Variants in CCSER1 observed in about 807,000 individuals in gnomAD.
The protein encoded by CCSER1 is serine-rich coiled-coil domain-containing protein 1.
A neutral mutation model predicts 82.0 loss-of-function variants in CCSER1; 41 were observed. The ratio of observed to expected loss-of-function variants is 0.50; its 90% CI spans 0.39 to 0.65. CCSER1 has a LOEUF of 0.65. Among genes scored for constraint, CCSER1 ranks in the 30% least tolerant of loss-of-function variants. The pLI is 0.00. For synonymous variants in CCSER1, 414 were observed against 383.9 expected (o/e 1.08, Z -0.92); for missense variants, 1,119 against 1,064.2 (o/e 1.05, Z -0.72).
intron 10 of CCSER1, among the ~76,000 whole-genome samples, chr4:91,248,726 G>T (rs1740011303): frequency 6.6e-6 from 1 of 151,774 alleles, no homozygotes; most frequent in Non-Finnish European, 1.5e-5. Flanking sequence ...AAGGATATTA[G>T]GTAAAAACTA....
chr4:91,536,767 C>T (rs1002753691), intron 10 of CCSER1, among the ~76,000 whole-genome samples: 1 of 152,102 alleles, frequency 6.6e-6, no homozygotes, highest in African/African-American at 2.4e-5. Flanking sequence ...AAACAATCCC[C>T]ACTGTTATTA....
chr4:90,731,680 C>T (rs1301514007), intron 7 of CCSER1, among the ~76,000 whole-genome samples: 1 of 151,960 alleles, frequency 6.6e-6, no homozygotes, highest in Non-Finnish European at 1.5e-5. Flanking sequence ...CATTGTGGTT[C>T]TCTAATGGGA....
chr4:91,299,124 A>G, intron 10 of CCSER1, among the ~76,000 whole-genome samples: 1 of 152,012 alleles, frequency 6.6e-6, no homozygotes, highest in East Asian at 1.9e-4. Flanking sequence ...TAAATAAAAG[A>G]ACAGTGGTTA....
intron 10 of CCSER1, among the ~76,000 whole-genome samples, chr4:91,180,483 G>T (rs1271701747): frequency 1.3e-5 from 2 of 152,192 alleles, no homozygotes; most frequent in African/African-American, 4.8e-5. Context: ...TTGCCACTTT[G>T]TCTACCTACT....
chr4:91,100,306 T>C (rs1456813983), intron 10 of CCSER1, among the ~76,000 whole-genome samples: 1 of 152,174 alleles, frequency 6.6e-6, no homozygotes, highest in African/African-American at 2.4e-5. Flanking sequence ...AATGAGTTAA[T>C]ATGCATAAAG....
intron 10 of CCSER1, among the ~76,000 whole-genome samples, chr4:91,368,775 G>A (rs574667645): frequency 2.0e-5 from 3 of 152,068 alleles, no homozygotes; most frequent in Admixed American, 2.0e-4. Flanking sequence ...ATATTTCTCT[G>A]CATTACTATA....
intron 1 of CCSER1, among the ~76,000 whole-genome samples, chr4:90,279,855 T>A (rs1360386925): frequency 6.6e-6 from 1 of 152,062 alleles, no homozygotes; most frequent in Non-Finnish European, 1.5e-5. Context: ...ATGAAAATTG[T>A]ATATTTTGAA....
In CCSER1 at chr4:91,136,879, C is replaced by T. The variant is rs575286071; in HGVS notation, c.2217+50885C>T. ...TCATTTTTACTGGCTATGACACACA[C>T]ATTTGTGCTGAAATAATTTGATTTT... is the stretch of plus-strand genomic sequence containing the variant. On this transcript the variant is annotated intron_variant, in intron 10 of 10. Coordinates refer to ENST00000509176, the MANE Select transcript of CCSER1 (RefSeq NM_001145065.2). Among the ~76,000 whole-genome samples, 4 of 152,208 alleles carry T rather than the reference C, an allele frequency of 2.6e-5. 1 individual carries two copies. Among genetic ancestry groups the T allele is most frequent in the South Asian group, 4.1e-4 (2 of 4,826 alleles).
At chr4:90,943,443 A>G (rs1416615090) in intron 9 of CCSER1, among the ~76,000 whole-genome samples, 2 of 152,216 alleles carry the variant, frequency 1.3e-5, no homozygotes, top group African/African-American at 4.8e-5. Flanking sequence ...CCTGAAAAGT[A>G]ATGACTAACC....
chr4:90,520,723 A>C lies in CCSER1; in HGVS notation c.1724+52369A>C, dbSNP rs118184986. The stretch of plus-strand genomic sequence containing the variant: ...TTGTATACTATGTCTTAAAAAAACA[A>C]TTGTGCGCAAAGGAAGGAAGAAACA... On this transcript the variant is annotated intron_variant, in intron 5 of 10. Transcript: ENST00000509176. 1.1e-4 allele frequency among the ~76,000 whole-genome samples: 17 copies of C among 152,312 alleles called. No homozygotes were observed. In the East Asian group the frequency reaches 3.3e-3, roughly 29 times the overall value.
intron 8 of CCSER1, among the ~76,000 whole-genome samples, chr4:90,867,912 T>A (rs977575952): frequency 6.6e-6 from 1 of 152,100 alleles, no homozygotes; most frequent in African/African-American, 2.4e-5. Context: ...ACTCATTGTG[T>A]ATATGCATAA....
chr4:91,449,614 C>A (rs572417962), intron 10 of CCSER1, among the ~76,000 whole-genome samples: 13 of 151,998 alleles, frequency 8.6e-5, no homozygotes, highest in African/African-American at 1.4e-4. Context: ...AATTGTAGGG[C>A]GGACCTCATT....
At chr4:91,296,823 A>C (rs1274681116) in intron 10 of CCSER1, among the ~76,000 whole-genome samples, 1 of 151,696 alleles carries the variant, frequency 6.6e-6, no homozygotes, top group Non-Finnish European at 1.5e-5. Context: ...CAAAAACCAC[A>C]AATAATGACA....
chr4:90,839,759 C>T (rs1762324097), intron 8 of CCSER1, among the ~76,000 whole-genome samples: 1 of 152,106 alleles, frequency 6.6e-6, no homozygotes, highest in Non-Finnish European at 1.5e-5. Context: ...GAAGATAGAA[C>T]AAAGTCTAAA....
At chr4:90,621,313 G>A (rs924439651) in intron 5 of CCSER1, among the ~76,000 whole-genome samples, 5 of 152,032 alleles carry the variant, frequency 3.3e-5, no homozygotes, top group South Asian at 2.1e-4. Flanking sequence ...CTGAGTCATA[G>A]GAGAACCAGC....
chr4:90,557,914 T>C (rs1778321867), intron 5 of CCSER1, among the ~76,000 whole-genome samples: 2 of 152,172 alleles, frequency 1.3e-5, no homozygotes, highest in Admixed American at 1.3e-4. Flanking sequence ...TTTTAAAAAG[T>C]AGATGTTGAA....
chr4:90,216,572 AT>A (rs1227109592), intron 1 of CCSER1, among the ~76,000 whole-genome samples: 1 of 152,178 alleles, frequency 6.6e-6, no homozygotes, highest in East Asian at 1.9e-4. Flanking sequence ...TGAAGATCAG[AT>A]GGCTGTAGGT....
At chr4:90,763,563 T>C (rs1750734190) in intron 7 of CCSER1, among the ~76,000 whole-genome samples, 1 of 152,156 alleles carries the variant, frequency 6.6e-6, no homozygotes, top group South Asian at 2.1e-4. Flanking sequence ...AATGTATCCA[T>C]TGGAAAGTCC....
chr4:90,250,610 T>C (rs1281637272), intron 1 of CCSER1, among the ~76,000 whole-genome samples: 1 of 152,124 alleles, frequency 6.6e-6, no homozygotes, highest in Non-Finnish European at 1.5e-5. Context: ...TCATGATTAC[T>C]GTAGTTTGGT....
Sources: allele counts gnomAD v4.1 joint callset (sites outside exome capture counted in the v4.1 genomes callset), GRCh38; gene constraint gnomAD v4.1.1; transcripts MANE v1.5; gene names NCBI Gene and HGNC (gene_info 2026-07-23, HGNC 2026-07-21).